Variants in SCAPER observed in about 807,000 individuals in gnomAD.
SCAPER encodes the protein S-phase cyclin A associated protein in the ER.
A neutral mutation model predicts 182.2 loss-of-function variants in SCAPER; 98 were observed. That is an observed-to-expected ratio of 0.54 (90% CI 0.46 to 0.64). The LOEUF (loss-of-function observed/expected upper bound fraction) is 0.64, where lower values mean the gene tolerates loss of function less well. Among genes scored for constraint, SCAPER ranks in the 30% least tolerant of loss-of-function variants. The pLI is 0.00. For missense variants in SCAPER, 1,432 were observed against 1,690.0 expected (o/e 0.85, Z 2.68); for synonymous variants, 605 against 564.6 (o/e 1.07, Z -1.01).
chr15:76,515,021 T>A (rs1308949300), intron 23 of SCAPER, among the ~76,000 whole-genome samples: 1 of 152,206 alleles, frequency 6.6e-6, no homozygotes, highest in East Asian at 1.9e-4. Context: ...TACTAGGTTT[T>A]GGGGTCAAGG....
Position 76,534,147 on chromosome 15 carries a change from T to C in SCAPER, c.2839-29173A>G, listed in dbSNP as rs529456543. Among the ~76,000 whole-genome samples, 3 of 152,228 alleles carry C rather than the reference T, an allele frequency of 2.0e-5. No homozygotes were observed. In the East Asian group the frequency reaches 5.8e-4, roughly 29 times the overall value. ...AACACTGGGCTTGACTCAGTTATGTTGAGGCCAGCCATTTCTGACAGTCTC... is the reference window on the plus strand; with the variant it reads ...AACACTGGGCTTGACTCAGTTATGTCGAGGCCAGCCATTTCTGACAGTCTC... On this transcript the variant is annotated intron_variant, in intron 23 of 31. Transcript: ENST00000563290.
At chr15:76,861,148 C>A (rs1375988638) in intron 3 of SCAPER, among the ~76,000 whole-genome samples, 1 of 152,122 alleles carries the variant, frequency 6.6e-6, no homozygotes, top group Non-Finnish European at 1.5e-5. Flanking sequence ...CACTTTGCAA[C>A]CACCAGAGGT....
intron 8 of SCAPER, among the ~76,000 whole-genome samples, chr15:76,792,013 G>C (rs544522604): frequency 5.5e-5 from 8 of 146,590 alleles, no homozygotes; most frequent in Admixed American, 5.4e-4. Flanking sequence ...TGATCTGCTT[G>C]TTCTCTATCA....
chr15:76,558,238 G>A (rs903769945), intron 23 of SCAPER, among the ~76,000 whole-genome samples: 14 of 152,122 alleles, frequency 9.2e-5, no homozygotes, highest in Admixed American at 9.2e-4. Context: ...GATAATATTT[G>A]CAAACTATGC....
chr15:76,643,128 T>C lies in SCAPER; in HGVS notation c.2646-21299A>G, dbSNP rs149730732. On this transcript the variant is annotated intron_variant, in intron 21 of 31. Transcript: ENST00000563290. ...GAGTCAAGGATATCTGCATACATGC[T>C]ACATGCTCTAGGGTCAGGGTCACCA... 3.1e-3 allele frequency among the ~76,000 whole-genome samples: 466 copies of C among 152,260 alleles called. 5 individuals are homozygous for C. The highest frequency in any genetic ancestry group is 1.7e-3 in the Non-Finnish European group (114 of 67,998).
intron 24 of SCAPER, among the ~76,000 whole-genome samples, chr15:76,476,680 T>C (rs1176016864): frequency 3.0e-5 from 4 of 132,926 alleles, no homozygotes; most frequent in Non-Finnish European, 6.2e-5. Context: ...TGGCCTCAAG[T>C]GATCCCTCCT....
intron 11 of SCAPER, 57 bp from the exon 12 acceptor site, chr15:76,765,695 GA>G (rs1215806570): frequency 3.0e-6 from 4 of 1,330,480 alleles, no homozygotes; most frequent in Admixed American, 2.0e-5. Context: ...TACAACTTTA[GA>G]AAATGAACTA....
rs2066805442 is a variant in SCAPER at position 76,813,249 on chromosome 15, A to AAAAAAAAAAAAAAAAAAC, written c.394-8617_394-8616insGTTTTTTTTTTTTTTTTT. On this transcript the variant is annotated intron_variant, in intron 5 of 31. Transcript: ENST00000563290. ...CACTAAAAAAAAAAAAAAAAAAAAA[A>AAAAAAAAAAAAAAAAAAC]AAAAAACAACTCAACAAAATAGGTA... Among the ~76,000 whole-genome samples the AAAAAAAAAAAAAAAAAAC allele has an allele frequency of 1.0e-4, 6 of 60,186 alleles. 1 individual carries two copies. The highest frequency in any genetic ancestry group is 6.0e-4 in the South Asian group (1 of 1,676). 39.5% of individuals were successfully genotyped at this position (60,186 alleles called of 152,430 possible).
intron 24 of SCAPER, among the ~76,000 whole-genome samples, chr15:76,473,045 T>C (rs1018190803): frequency 1.4e-4 from 21 of 152,188 alleles, no homozygotes; most frequent in Admixed American, 5.2e-4. Context: ...AGAGTAGAGT[T>C]TCCATTTCTA....
intron 5 of SCAPER, among the ~76,000 whole-genome samples, chr15:76,813,154 G>A (rs1262485746): frequency 7.2e-6 from 1 of 139,652 alleles, no homozygotes; most frequent in Non-Finnish European, 1.5e-5. Flanking sequence ...CACAATGATA[G>A]GCAAGAAAGC....
chr15:76,563,785 C>G (rs190309761), intron 23 of SCAPER, among the ~76,000 whole-genome samples: 1 of 152,252 alleles, frequency 6.6e-6, no homozygotes, highest in East Asian at 1.9e-4. Context: ...AATCCAAATC[C>G]AGCAACACAT....
At chr15:76,896,714 CAA>C (rs1031372940) in intron 1 of SCAPER, among the ~76,000 whole-genome samples, 1 of 152,072 alleles carries the variant, frequency 6.6e-6, no homozygotes, top group Non-Finnish European at 1.5e-5. Flanking sequence ...GAGTCTCAAA[CAA>C]GAGTTTGAGA....
intron 22 of SCAPER, among the ~76,000 whole-genome samples, chr15:76,587,350 T>G (rs1242213475): frequency 6.6e-6 from 1 of 152,188 alleles, no homozygotes; most frequent in African/African-American, 2.4e-5. Context: ...GGTTTGTTCT[T>G]GTTTCTCTAG....
intron 23 of SCAPER, chr15:76,567,238 A>T (rs2047101787): frequency 1.3e-5 from 5 of 389,162 alleles, no homozygotes; most frequent in South Asian, 9.9e-5. Flanking sequence ...ATTCATTTTT[A>T]TGTTGAATAA....
intron 22 of SCAPER, among the ~76,000 whole-genome samples, chr15:76,591,356 T>C (rs2049094293): frequency 6.6e-6 from 1 of 152,196 alleles, no homozygotes. Context: ...CAATGTCATA[T>C]AAATAAAGTT....
chr15:76,584,670 A>C (rs1455520448), intron 22 of SCAPER, among the ~76,000 whole-genome samples: 1 of 152,164 alleles, frequency 6.6e-6, no homozygotes, highest in Admixed American at 6.6e-5. Context: ...TTAATCTTCA[A>C]ATCTTATGCT....
At chr15:76,829,464 A>G (rs1484989078) in intron 5 of SCAPER, among the ~76,000 whole-genome samples, 1 of 152,170 alleles carries the variant, frequency 6.6e-6, no homozygotes, top group Non-Finnish European at 1.5e-5. Context: ...TCACTCCTCC[A>G]TGTCCAAGGA....
intron 23 of SCAPER, among the ~76,000 whole-genome samples, chr15:76,524,493 CAATATA>C (rs1050373583): frequency 6.6e-5 from 10 of 151,840 alleles, no homozygotes; most frequent in African/African-American, 1.9e-4. Context: ...GAAACAAGAT[CAATATA>C]AATATAAGTG....
chr15:76,358,691 C>T (rs913779922), intron 29 of SCAPER, among the ~76,000 whole-genome samples: 2 of 152,316 alleles, frequency 1.3e-5, no homozygotes, highest in East Asian at 1.9e-4. Flanking sequence ...AGCCCTGTCT[C>T]GAAATACAAC....
Sources: allele counts gnomAD v4.1 joint callset (sites outside exome capture counted in the v4.1 genomes callset), GRCh38; gene constraint gnomAD v4.1.1; transcripts MANE v1.5; gene names NCBI Gene and HGNC (gene_info 2026-07-23, HGNC 2026-07-21).